RIMS1: variants seen among roughly 807,000 people sequenced by gnomAD.
RIMS1 encodes the protein regulating synaptic membrane exocytosis protein 1.
RIMS1 carries 83 observed loss-of-function variants against 214.1 expected under a neutral mutation model. The ratio of observed to expected loss-of-function variants is 0.39; its 90% CI spans 0.32 to 0.47. RIMS1 has a LOEUF of 0.47. Ranked by LOEUF, RIMS1 falls within the 20% of genes least tolerant of loss-of-function variation. RIMS1 has a pLI of 0.99. For missense variants in RIMS1, 2,050 were observed against 2,161.8 expected (o/e 0.95, Z 1.03); for synonymous variants, 793 against 786.8 (o/e 1.01, Z -0.13).
intron 6 of RIMS1, among the ~76,000 whole-genome samples, chr6:72,227,178 CAT>C (rs2060444687): frequency 6.6e-6 from 1 of 151,876 alleles, no homozygotes. Flanking sequence ...GAAATTAAAA[CAT>C]AATGAAGTTT....
At chr6:72,015,376 T>TTA (rs374292740) in intron 2 of RIMS1, among the ~76,000 whole-genome samples, 18 of 152,290 alleles carry the variant, frequency 1.2e-4, no homozygotes, top group Middle Eastern at 3.4e-3. Context: ...TATATTGATC[T>TTA]TATATTCATC....
Position 71,969,003 on chromosome 6 carries a change from C to A in RIMS1, c.185C>A (p.Ala62Glu). 1.9e-6 allele frequency: 3 copies of A among 1,613,994 alleles called. No homozygotes were observed. The highest frequency in any genetic ancestry group is 2.5e-6 in the Non-Finnish European group (3 of 1,179,860). ...CCCAGGTGTGTTGTCAGGGACATGG[C>A]GAAGCCTGCTGCCTGCAAAACACCA... ...AMLKCVVRDM[A>E]KPAACKTPRN... Residue 62 changes from alanine to glutamate, a missense_variant, in exon 2 of 34, where the codon GCG becomes GAG. Physicochemically the swap from Ala to Glu is moderately radical, Grantham distance 107 (BLOSUM62 -1). Coordinates refer to ENST00000521978, the MANE Select transcript of RIMS1 (RefSeq NM_014989.7).
chr6:72,262,896 A>G (rs1040119420), intron 19 of RIMS1: 1 of 529,782 alleles, frequency 1.9e-6, no homozygotes, highest in East Asian at 1.5e-4. Flanking sequence ...CATTTATTTA[A>G]TAACAAGCAC....
intron 6 of RIMS1, chr6:72,213,012 G>A (rs2054106523): frequency 6.7e-7 from 1 of 1,494,734 alleles, no homozygotes; most frequent in African/African-American, 1.4e-5. Flanking sequence ...TAAGCAGAGT[G>A]ATGAAGGAGG....
At chr6:72,134,418 A>G (rs1481860756) in intron 4 of RIMS1, among the ~76,000 whole-genome samples, 1 of 151,904 alleles carries the variant, frequency 6.6e-6, no homozygotes, top group Admixed American at 6.6e-5. Context: ...TTATTTTGAG[A>G]TGAGAATTTC....
chr6:72,221,553 C>T (rs2058442685), intron 6 of RIMS1, among the ~76,000 whole-genome samples: 1 of 151,900 alleles, frequency 6.6e-6, no homozygotes. Flanking sequence ...AAATTATTTA[C>T]AAATATATTT....
In RIMS1 at chr6:72,162,882, C is replaced by T. The variant is rs1467011550; in HGVS notation, c.472-16693C>T. Among the ~76,000 whole-genome samples the T allele has an allele frequency of 6.5e-5, 9 of 138,956 alleles. 2 individuals carry two copies. Among genetic ancestry groups the T allele is most frequent in the Non-Finnish European group, 1.3e-4 (8 of 61,284 alleles). 91.2% of individuals were successfully genotyped at this position (138,956 alleles called of 152,430 possible). A position where few individuals can be genotyped will look rare whatever the true frequency, so the allele number is the denominator to read the frequency against. On this transcript the variant is annotated intron_variant, in intron 4 of 33. Coordinates refer to ENST00000521978, the MANE Select transcript of RIMS1 (RefSeq NM_014989.7). ...TTATGTGTCTTGGAGTTGCTCTTCT[C>T]GAGGAGTATCTTTGTGTCATTCTCT... is the stretch of plus-strand genomic sequence containing the variant.
At chr6:72,143,992 A>G (rs779609681) in intron 4 of RIMS1, among the ~76,000 whole-genome samples, 1 of 152,204 alleles carries the variant, frequency 6.6e-6, no homozygotes, top group African/African-American at 2.4e-5. Flanking sequence ...GCAAGTAAAC[A>G]TGTCCTGGAC....
At chr6:72,030,677 T>TA (rs1817832996) in intron 2 of RIMS1, among the ~76,000 whole-genome samples, 1 of 152,160 alleles carries the variant, frequency 6.6e-6, no homozygotes, top group Non-Finnish European at 1.5e-5. Context: ...TTCACTTTTC[T>TA]AAAATTTTAA....
chr6:72,329,761 A>C (rs917311894), intron 28 of RIMS1, among the ~76,000 whole-genome samples: 4 of 151,608 alleles, frequency 2.6e-5, no homozygotes, highest in African/African-American at 9.7e-5. Context: ...CCAAGATTGG[A>C]TATTTTGTTC....
intron 4 of RIMS1, among the ~76,000 whole-genome samples, chr6:72,104,838 G>T (rs1183778691): frequency 6.6e-6 from 1 of 152,058 alleles, no homozygotes; most frequent in Non-Finnish European, 1.5e-5. Context: ...TTTTGCTGGG[G>T]AGAAGGATCT....
chr6:72,234,038 TATTAA>T (rs2063091394), intron 7 of RIMS1, among the ~76,000 whole-genome samples, 198 bp downstream of exon 7: 1 of 152,002 alleles, frequency 6.6e-6, no homozygotes, highest in African/African-American at 2.4e-5. Context: ...AAAAAACAAT[TATTAA>T]ATAATTACTA....
At chr6:72,283,881 C>T (rs1563538062) in intron 23 of RIMS1, among the ~76,000 whole-genome samples, 166 bp from the exon 24 acceptor site, 1 of 151,580 alleles carries the variant, frequency 6.6e-6, no homozygotes, top group Non-Finnish European at 1.5e-5. Context: ...TCATTTTATT[C>T]ATTCATTCAT....
At chr6:72,356,933 T>A (rs2097666663) in intron 29 of RIMS1, among the ~76,000 whole-genome samples, 1 of 152,202 alleles carries the variant, frequency 6.6e-6, no homozygotes, top group African/African-American at 2.4e-5. Context: ...GAAACACTGC[T>A]TAATTCCTCC....
At position 72,182,739 on chromosome 6, in the gene RIMS1, A is replaced by C. The variant is rs1588673146; in HGVS notation, c.1268A>C (p.Asp423Ala). 10 of 1,538,974 alleles carry C rather than the reference A, an allele frequency of 6.5e-6. No individual in the cohort carries two copies. Among genetic ancestry groups the C allele is most frequent in the Non-Finnish European group, 8.7e-6 (10 of 1,145,848 alleles). Residue 423 changes from aspartate (D) to alanine (A), a missense_variant, in exon 6 of 34, where the codon GAC becomes GCC. Asp to Ala is a moderately radical substitution (Grantham distance 126). This residue lies in a region of RIMS1 where 882 missense variants were observed against 828.9 expected (regional missense o/e 1.06). Transcript: ENST00000521978. Reference sequence around the variant, plus strand: ...GCGGCAGCCAGGGCCTCGCCGCCGGACTCGCCGCGGGCTTACTCGGCTGAG... The same window carrying C: ...GCGGCAGCCAGGGCCTCGCCGCCGGCCTCGCCGCGGGCTTACTCGGCTGAG... ...APAAARASPP[D>A]SPRAYSAERT...
At chr6:72,154,398 C>T (rs889776014) in intron 4 of RIMS1, among the ~76,000 whole-genome samples, 6 of 140,400 alleles carry the variant, frequency 4.3e-5, no homozygotes, top group African/African-American at 1.5e-4. Flanking sequence ...AAAGATTCAC[C>T]TGTCAAGGAA....
At chr6:72,054,721 T>C (rs564078939) in intron 2 of RIMS1, among the ~76,000 whole-genome samples, 183 of 152,298 alleles carry the variant, frequency 1.2e-3, no homozygotes, top group Middle Eastern at 6.8e-3. Flanking sequence ...CATAAATGTC[T>C]TCTTTTGAGA....
intron 31 of RIMS1, among the ~76,000 whole-genome samples, chr6:72,397,675 A>C (rs933480859): frequency 1.3e-5 from 2 of 152,354 alleles, no homozygotes; most frequent in South Asian, 4.1e-4. Flanking sequence ...TGCACTATAA[A>C]ATAGTTTATG....
intron 1 of RIMS1, among the ~76,000 whole-genome samples, chr6:71,914,208 A>G (rs141996942): frequency 6.6e-6 from 1 of 152,264 alleles, no homozygotes; most frequent in Non-Finnish European, 1.5e-5. Flanking sequence ...CAGGCAGATT[A>G]TGCTTCTACT....
Sources: allele counts gnomAD v4.1 joint callset (sites outside exome capture counted in the v4.1 genomes callset), GRCh38; gene constraint gnomAD v4.1.1; regional missense constraint gnomAD v4.1.1; transcripts MANE v1.5; gene names NCBI Gene and HGNC (gene_info 2026-07-23, HGNC 2026-07-21).